The following PPP2R3C variants were observed in gnomAD, a reference collection of about 807,000 sequenced individuals.
The protein encoded by PPP2R3C is serine/threonine-protein phosphatase 2A regulatory subunit B'' subunit gamma.
In PPP2R3C, 47 loss-of-function variants were observed where a neutral mutation model predicts 63.7. That is an observed-to-expected ratio of 0.74 (90% CI 0.58 to 0.94). The LOEUF is 0.94. Ranked by LOEUF, PPP2R3C falls within the 40% of genes least tolerant of loss-of-function variation. The probability of loss-of-function intolerance (pLI) is 0.00; values close to 1 mark genes in which losing one functional copy is unlikely to be tolerated. For missense variants in PPP2R3C, 421 were observed against 518.4 expected (o/e 0.81, Z 1.82); for synonymous variants, 180 against 177.4 (o/e 1.01, Z -0.12).
intron 9 of PPP2R3C, among the ~76,000 whole-genome samples, chr14:35,095,953 A>T (rs2045986164): frequency 6.6e-6 from 1 of 152,116 alleles, no homozygotes; most frequent in African/African-American, 2.4e-5. Context: ...CATTTTATCA[A>T]CAAAGCATGA....
Position 35,096,720 on chromosome 14 carries a change from C to A in PPP2R3C, c.751G>T (p.Asp251Tyr). ...TTAAAAACATTTACCTCCAATAAATCATCTAGGAAGCTGCATGCTAAAATA... is the reference window on the plus strand; with the variant it reads ...TTAAAAACATTTACCTCCAATAAATAATCTAGGAAGCTGCATGCTAAAATA... ...QDILACSFLD[D>Y]LLELRDEELS... Residue 251 changes from aspartate (D) to tyrosine (Y), a missense_variant, in exon 8 of 13, where the codon GAT becomes TAT. Around this residue, in one of 3 missense-constraint regions of PPP2R3C, gnomAD observed 231 missense variants for 264.8 expected, o/e 0.87. Coordinates refer to ENST00000261475, the MANE Select transcript of PPP2R3C (RefSeq NM_017917.4). The A allele has an allele frequency of 1.2e-6, 2 of 1,600,574 alleles. No homozygotes were observed. Among genetic ancestry groups the A allele is most frequent in the South Asian group, 1.1e-5 (1 of 88,466 alleles).
At chr14:35,113,246 G>T in intron 2 of PPP2R3C, 1 of 152,598 alleles carries the variant, frequency 6.6e-6, no homozygotes, top group Non-Finnish European at 1.5e-5. Context: ...ATCAGCCAAG[G>T]AGAGAAGTGG....
chr14:35,110,481 G>T, intron 3 of PPP2R3C, 44 bp downstream of exon 3: 1 of 1,306,022 alleles, frequency 7.7e-7, no homozygotes, highest in South Asian at 1.2e-5. Context: ...TAGCACAAAT[G>T]AGAAATGGTT....
chr14:35,093,459 ACTGT>A (rs2045896176), intron 10 of PPP2R3C, among the ~76,000 whole-genome samples: 2 of 152,076 alleles, frequency 1.3e-5, no homozygotes, highest in Admixed American at 1.3e-4. Context: ...TAAGCTCCTC[ACTGT>A]CTATTGTTTA....
At chr14:35,102,064 C>T (rs1173420529) in intron 6 of PPP2R3C, 23 of 146,132 alleles carry the variant, frequency 1.6e-4, no homozygotes, top group Admixed American at 1.5e-3. Flanking sequence ...AGTCTCAGTC[C>T]AGTCCAGGCT....
Position 35,085,594 on chromosome 14 carries a change from G to GT in PPP2R3C, c.1357dup (p.Thr453AsnfsTer13). ...GACAGTCTAGTCTTTCAGAGATCATGTATCATCAAGGTCTGCAGAGTTTTC... is the reference window on the plus strand; with the variant it reads ...GACAGTCTAGTCTTTCAGAGATCATGTTATCATCAAGGTCTGCAGAGTTTTC... On this transcript the variant is annotated frameshift_variant, in exon 13 of 13. Transcript: ENST00000261475. LOFTEE classifies it high-confidence loss of function. 1.9e-6 allele frequency: 3 copies of GT among 1,603,264 alleles called. No homozygotes were observed. Among genetic ancestry groups the GT allele is most frequent in the Non-Finnish European group, 2.6e-6 (3 of 1,175,752 alleles).
intron 7 of PPP2R3C, chr14:35,098,613 T>A (rs1235709592): frequency 6.6e-6 from 1 of 151,702 alleles, no homozygotes; most frequent in African/African-American, 2.4e-5. Context: ...CCCCCCAGAG[T>A]GCTGAGATTA....
chr14:35,098,639 G>C (rs1248785571), intron 7 of PPP2R3C: 1 of 152,364 alleles, frequency 6.6e-6, no homozygotes, highest in African/African-American at 2.4e-5. Flanking sequence ...GTGAACCACT[G>C]TGCCAGGCCC....
At chr14:35,107,209 G>T in intron 6 of PPP2R3C, 95 bp downstream of exon 6, 1 of 922,000 alleles carries the variant, frequency 1.1e-6, no homozygotes, top group South Asian at 1.7e-5. Context: ...AAAGTATTAT[G>T]AGAACAGCCT....
intron 9 of PPP2R3C, among the ~76,000 whole-genome samples, chr14:35,095,844 C>CT (rs2045980346): frequency 9.3e-6 from 1 of 107,594 alleles, no homozygotes; most frequent in Admixed American, 1.1e-4. Context: ...GTGCAAGACT[C>CT]TATCTCCAAA....
chr14:35,109,198 AGGCACAC>A (rs2046462177), intron 4 of PPP2R3C, among the ~76,000 whole-genome samples: 1 of 151,914 alleles, frequency 6.6e-6, no homozygotes, highest in Non-Finnish European at 1.5e-5. Context: ...CTGGGATTAC[AGGCACAC>A]GCCACCACGC....
Position 35,108,201 on chromosome 14 carries a change from A to G in PPP2R3C, c.440T>C (p.Leu147Pro). ...FFTAKVFAKL[L>P]HTDSYGRISI... ...AATTCTTCCATATGAATCTGTATGAAGGAGTTTAGCAAAGACTTTTGCTGT... is the reference window on the plus strand; with the variant it reads ...AATTCTTCCATATGAATCTGTATGAGGGAGTTTAGCAAAGACTTTTGCTGT... The change falls in exon 5 of 13, where the codon CTT becomes CCT. Residue 147 changes from leucine to proline, a missense_variant. Leu to Pro is a moderately conservative substitution (Grantham distance 98). This residue lies in a region of PPP2R3C where 47 missense variants were observed against 102.3 expected (regional missense o/e 0.46). Coordinates refer to ENST00000261475, the MANE Select transcript of PPP2R3C (RefSeq NM_017917.4). 6.3e-7 allele frequency: 1 copy of G among 1,593,672 alleles called. No homozygotes were observed. Among genetic ancestry groups the G allele is most frequent in the Non-Finnish European group, 8.5e-7 (1 of 1,174,844 alleles).
At position 35,121,945 on chromosome 14, in the gene PPP2R3C, T is replaced by C. The variant is rs1193008370; in HGVS notation, c.15A>G (p.Glu5=). Residue 5 remains glutamate, a synonymous_variant, in exon 1 of 13, where the codon GAA becomes GAG. Transcript: ENST00000261475. The part of the protein sequence containing the change: MDWK[E]VLRRRLATPN... ...GCGTCGCTAGGCGCCGACGAAGAACTTCTTTCCAGTCCATGGCCGACTTCC... is the reference window on the plus strand; with the variant it reads ...GCGTCGCTAGGCGCCGACGAAGAACCTCTTTCCAGTCCATGGCCGACTTCC... The C allele has an allele frequency of 6.2e-7, 1 of 1,614,122 alleles. No individual in the cohort carries two copies. The highest frequency in any genetic ancestry group is 1.3e-5 in the African/African-American group (1 of 75,054).
chr14:35,122,133 C>T (rs1290050231), upstream of PPP2R3C: 9 of 611,112 alleles, frequency 1.5e-5, no homozygotes, highest in East Asian at 2.5e-4. Flanking sequence ...CTGTCACTGC[C>T]GCGGAGAATA....
intron 2 of PPP2R3C, among the ~76,000 whole-genome samples, chr14:35,111,235 C>CAAAAAAAAAAAAAAAAAAAAA (rs3058398): frequency 1.1e-5 from 1 of 89,794 alleles, no homozygotes; most frequent in Non-Finnish European, 2.2e-5. Flanking sequence ...CTCCATCTAC[C>CAAAAAAAAAAAAAAAAAAAAA]AAAAAAAAAA....
At chr14:35,117,893 C>T (rs1188622364) in intron 1 of PPP2R3C, among the ~76,000 whole-genome samples, 1 of 152,086 alleles carries the variant, frequency 6.6e-6, no homozygotes, top group Non-Finnish European at 1.5e-5. Flanking sequence ...GGGGCTTCTC[C>T]ATGTTGGTCA....
At chr14:35,089,331 T>C (rs1225082689) in intron 11 of PPP2R3C, among the ~76,000 whole-genome samples, 6 of 151,908 alleles carry the variant, frequency 3.9e-5, no homozygotes, top group Admixed American at 6.6e-5. Flanking sequence ...TCCCAACTCC[T>C]GGGCTCAAGC....
chr14:35,099,643 T>C (rs2046119886), intron 6 of PPP2R3C: 1 of 317,328 alleles, frequency 3.2e-6, no homozygotes, highest in South Asian at 4.8e-5. Flanking sequence ...CTATTTCTTC[T>C]CCCCAAAGGT....
chr14:35,098,710 C>A (rs1447233581), intron 7 of PPP2R3C: 1 of 152,476 alleles, frequency 6.6e-6, no homozygotes, highest in Non-Finnish European at 1.5e-5. Context: ...CTTCTCTGTC[C>A]TTTCCTCTGC....
Sources: gnomAD v4.1 joint callset for allele counts (sites outside exome capture counted in the v4.1 genomes callset) on GRCh38, gnomAD v4.1.1 for gene constraint, gnomAD v4.1.1 regional missense constraint, MANE v1.5 for transcripts, NCBI Gene and HGNC (gene_info 2026-07-23, HGNC 2026-07-21) for gene names.